RAB1A: variants seen among roughly 807,000 people sequenced by gnomAD.
RAB1A encodes ras-related protein Rab-1A.
Under a neutral mutation model 26.0 loss-of-function variants are expected in RAB1A, and 2 were observed. The observed-to-expected ratio is 0.08, with a 90% confidence interval of 0.03 to 0.24. RAB1A has a LOEUF of 0.24. Among genes scored for constraint, RAB1A ranks in the 10% least tolerant of loss-of-function variants. The probability of loss-of-function intolerance (pLI) is 1.00; values close to 1 mark genes in which losing one functional copy is unlikely to be tolerated. For missense variants in RAB1A, 100 were observed against 247.0 expected (o/e 0.40, Z 3.99); for synonymous variants, 84 against 84.9 (o/e 0.99, Z 0.06).
At chr2:65,101,509 T>C (rs1020277439) in intron 2 of RAB1A, among the ~76,000 whole-genome samples, 3 of 152,142 alleles carry the variant, frequency 2.0e-5, no homozygotes, top group Non-Finnish European at 4.4e-5. Flanking sequence ...TGGAAAACCT[T>C]TGACTTCAAG....
At chr2:65,110,464 C>T (rs1269043563) in intron 1 of RAB1A, among the ~76,000 whole-genome samples, 3 of 148,032 alleles carry the variant, frequency 2.0e-5, no homozygotes, top group East Asian at 3.9e-4. Flanking sequence ...AATGGCCAAG[C>T]CAGAACAATT....
intron 2 of RAB1A, among the ~76,000 whole-genome samples, chr2:65,101,145 CA>C (rs11380005): frequency 3.4e-5 from 5 of 146,914 alleles, no homozygotes; most frequent in Admixed American, 6.8e-5. Flanking sequence ...GACTCCATCT[CA>C]AAAAAAAAAA....
At chr2:65,098,968 T>G (rs902589883) in intron 2 of RAB1A, among the ~76,000 whole-genome samples, 1 of 151,376 alleles carries the variant, frequency 6.6e-6, no homozygotes, top group Non-Finnish European at 1.5e-5. Flanking sequence ...ACCTGAGTAG[T>G]AGGGACTACA....
chr2:65,109,551 AAT>A (rs1200398487), intron 1 of RAB1A, among the ~76,000 whole-genome samples: 1 of 151,910 alleles, frequency 6.6e-6, no homozygotes, highest in East Asian at 1.9e-4. Context: ...TAAAAAAAAA[AAT>A]ACAAAAATTA....
At chr2:65,117,473 C>T (rs1669851399) in intron 1 of RAB1A, among the ~76,000 whole-genome samples, 1 of 152,208 alleles carries the variant, frequency 6.6e-6, no homozygotes, top group East Asian at 1.9e-4. Flanking sequence ...GCTGGGATTA[C>T]AGGCATGAGC....
chr2:65,107,360 T>C (rs1669585607), intron 1 of RAB1A, among the ~76,000 whole-genome samples: 1 of 152,130 alleles, frequency 6.6e-6, no homozygotes, highest in African/African-American at 2.4e-5. Flanking sequence ...CCACCGTGCC[T>C]GGCCCCAAAT....
At chr2:65,122,482 C>G (rs1348151739) in intron 1 of RAB1A, among the ~76,000 whole-genome samples, 1 of 151,846 alleles carries the variant, frequency 6.6e-6, no homozygotes, top group Non-Finnish European at 1.5e-5. Flanking sequence ...CACTGAAACC[C>G]GGCTAGGAGT....
chr2:65,090,165 A>G (rs1406048448), intron 4 of RAB1A, among the ~76,000 whole-genome samples: 1 of 152,188 alleles, frequency 6.6e-6, no homozygotes, highest in Non-Finnish European at 1.5e-5. Flanking sequence ...GAGATTTTTT[A>G]AACTAGCATC....
chr2:65,114,671 G>A lies in RAB1A; in HGVS notation c.24-9865C>T, dbSNP rs554374243. On this transcript the variant is annotated intron_variant, in intron 1 of 5. Transcript: ENST00000409784. The stretch of plus-strand genomic sequence containing the variant: ...ATCCTGGCTAACAAGGTGAAACCCC[G>A]TCTCTACTAAAAAAATACAAAAAAT... Among the ~76,000 whole-genome samples, 1,096 of 151,856 alleles carry A rather than the reference G, an allele frequency of 7.2e-3. 15 individuals are homozygous for A. Among genetic ancestry groups the A allele is most frequent in the African/African-American group, 0.024 (1,014 of 41,392 alleles).
At chr2:65,114,998 G>C (rs1169890966) in intron 1 of RAB1A, among the ~76,000 whole-genome samples, 4 of 152,196 alleles carry the variant, frequency 2.6e-5, no homozygotes, top group Non-Finnish European at 4.4e-5. Flanking sequence ...TGTTATAAAA[G>C]TGAGTTCAAG....
chr2:65,118,324 T>C (rs1337662160), intron 1 of RAB1A, among the ~76,000 whole-genome samples: 1 of 152,216 alleles, frequency 6.6e-6, no homozygotes, highest in African/African-American at 2.4e-5. Flanking sequence ...GTTATATTGA[T>C]TATGCTTGTT....
At chr2:65,112,539 GC>G (rs1443090543) in intron 1 of RAB1A, among the ~76,000 whole-genome samples, 1 of 152,182 alleles carries the variant, frequency 6.6e-6, no homozygotes, top group Non-Finnish European at 1.5e-5. Flanking sequence ...AAATAAAGCT[GC>G]TTTTGAGGTA....
chr2:65,126,700 A>G (rs1204703030), intron 1 of RAB1A, among the ~76,000 whole-genome samples: 1 of 152,220 alleles, frequency 6.6e-6, no homozygotes, highest in African/African-American at 2.4e-5. Context: ...TTAGTTATTA[A>G]GATAACATAC....
intron 1 of RAB1A, among the ~76,000 whole-genome samples, chr2:65,108,072 A>G (rs1003435180): frequency 1.1e-4 from 17 of 150,822 alleles, no homozygotes; most frequent in African/African-American, 4.1e-4. Context: ...AAAAAAAAAA[A>G]TCAACAACTC....
In RAB1A at chr2:65,103,303, A is replaced by AAAAAAAAAAAAAAAAAAC. The variant is rs1226450419; in HGVS notation, c.96+1430_96+1431insGTTTTTTTTTTTTTTTTT. ...CAACACAGCCAGAATCTGTCTCAAAAAAAAAAAAAAACATTGTTTTATGTG... is the reference window on the plus strand; with the variant it reads ...CAACACAGCCAGAATCTGTCTCAAAAAAAAAAAAAAAAAAAAACAAAAAAAAAAACATTGTTTTATGTG... On this transcript the variant is annotated intron_variant, in intron 2 of 5. Coordinates refer to ENST00000409784, the MANE Select transcript of RAB1A (RefSeq NM_004161.5). Among the ~76,000 whole-genome samples, 57 of 150,154 alleles carry AAAAAAAAAAAAAAAAAAC rather than the reference A, an allele frequency of 3.8e-4. 1 individual carries two copies. Among genetic ancestry groups the AAAAAAAAAAAAAAAAAAC allele is most frequent in the African/African-American group, 9.3e-4 (38 of 40,932 alleles).
intron 4 of RAB1A, among the ~76,000 whole-genome samples, chr2:65,089,963 A>G (rs1445618943): frequency 1.3e-5 from 2 of 152,336 alleles, no homozygotes; most frequent in East Asian, 1.9e-4. Flanking sequence ...TCGGCCTCCC[A>G]AAGTTCTGGG....
intron 2 of RAB1A, among the ~76,000 whole-genome samples, chr2:65,098,749 T>C (rs1453075715): frequency 6.6e-6 from 1 of 152,026 alleles, no homozygotes; most frequent in Non-Finnish European, 1.5e-5. Context: ...AATGGAATCA[T>C]AAAATATGTG....
At chr2:65,098,281 C>T (rs1490552908) in intron 2 of RAB1A, among the ~76,000 whole-genome samples, 2 of 152,190 alleles carry the variant, frequency 1.3e-5, no homozygotes, top group Non-Finnish European at 2.9e-5. Flanking sequence ...GATTACAAAG[C>T]ACTACTTAAC....
At chr2:65,089,258 G>T (rs550578457) in intron 4 of RAB1A, among the ~76,000 whole-genome samples, 188 bp from the exon 5 acceptor site, 7 of 152,184 alleles carry the variant, frequency 4.6e-5, no homozygotes, top group Admixed American at 2.0e-4. Context: ...TGTCACCTAG[G>T]CCGGAGTGCA....
Sources: gnomAD v4.1 joint callset for allele counts (sites outside exome capture counted in the v4.1 genomes callset) on GRCh38, gnomAD v4.1.1 for gene constraint, MANE v1.5 for transcripts, NCBI Gene and HGNC (gene_info 2026-07-23, HGNC 2026-07-21) for gene names.